UBE2U: variants seen among roughly 807,000 people sequenced by gnomAD.
UBE2U encodes the protein ubiquitin-conjugating enzyme E2 U.
A neutral mutation model predicts 41.2 loss-of-function variants in UBE2U; 39 were observed. That is an observed-to-expected ratio of 0.95 (90% CI 0.73 to 1.24). UBE2U has a LOEUF of 1.24. UBE2U is among the 50% of genes most tolerant of loss of function. UBE2U has a pLI of 0.00. For synonymous variants in UBE2U, 107 were observed against 117.8 expected (o/e 0.91, Z 0.60); for missense variants, 336 against 363.1 (o/e 0.93, Z 0.61).
intron 6 of UBE2U, among the ~76,000 whole-genome samples, chr1:64,225,725 G>C (rs1010239639): frequency 6.6e-6 from 1 of 152,228 alleles, no homozygotes; most frequent in Non-Finnish European, 1.5e-5. Flanking sequence ...GATTCGATGT[G>C]AGTTGTGAGA....
At chr1:64,256,383 T>C (rs1019452341) in intron 8 of UBE2U, among the ~76,000 whole-genome samples, 1 of 152,012 alleles carries the variant, frequency 6.6e-6, no homozygotes, top group East Asian at 1.9e-4. Flanking sequence ...GCAAGGTTAC[T>C]GTAACCAAAA....
intron 9 of UBE2U, 100 bp downstream of exon 9, chr1:64,260,794 A>G: frequency 2.3e-6 from 2 of 870,396 alleles, no homozygotes; most frequent in Non-Finnish European, 3.5e-6. Context: ...GTTGGAATAT[A>G]TGAGGGCTAA....
rs1570012361 is a variant in UBE2U at position 64,223,655 on chromosome 1, A to G, written c.506+2748A>G. Among the ~76,000 whole-genome samples the G allele has an allele frequency of 2.0e-5, 3 of 152,322 alleles. No homozygotes were observed. The South Asian group carries it at 6.2e-4, about 32-fold the overall frequency. ...TATTGTTGTAGTACATAAATATAAT[A>G]TAGTAAGTGCTATGACAGACGTAAG... On this transcript the variant is annotated intron_variant, in intron 6 of 9. Transcript: ENST00000371077.
intron 1 of UBE2U, among the ~76,000 whole-genome samples, chr1:64,205,352 A>G (rs1017842251): frequency 5.3e-5 from 8 of 152,182 alleles, no homozygotes; most frequent in Non-Finnish European, 8.8e-5. Flanking sequence ...ATTGATTTAC[A>G]CAAACAGTAT....
intron 8 of UBE2U, among the ~76,000 whole-genome samples, chr1:64,256,916 A>G (rs1301870266): frequency 6.6e-6 from 1 of 151,918 alleles, no homozygotes; most frequent in African/African-American, 2.4e-5. Context: ...TACAGGAAAA[A>G]AAAAACCATT....
intron 8 of UBE2U, among the ~76,000 whole-genome samples, chr1:64,255,282 C>A (rs1197161650): frequency 6.6e-6 from 1 of 151,802 alleles, no homozygotes; most frequent in Non-Finnish European, 1.5e-5. Flanking sequence ...TAATAGCCTA[C>A]CAACCAAAAA....
chr1:64,250,992 A>G (rs1190343515), intron 8 of UBE2U, among the ~76,000 whole-genome samples: 1 of 151,918 alleles, frequency 6.6e-6, no homozygotes, highest in Non-Finnish European at 1.5e-5. Flanking sequence ...GCAGCACACC[A>G]ACATGGCACA....
Position 64,208,603 on chromosome 1 carries a change from C to CA in UBE2U, c.241+1790dup, listed in dbSNP as rs56972795. 4.9e-4 allele frequency among the ~76,000 whole-genome samples: 18 copies of CA among 36,506 alleles called. 1 individual carries two copies. Among genetic ancestry groups the CA allele is most frequent in the Non-Finnish European group, 5.4e-4 (12 of 22,222 alleles). The allele number at this position is 36,506 out of a possible 152,430, so 23.9% of individuals were successfully genotyped here. Reference sequence around the variant, plus strand: ...TGGGCAACAGAACAAGACGCTGTCTCAAAAAAAAAAAAAAAAAAAAAAAAA... The same window carrying CA: ...TGGGCAACAGAACAAGACGCTGTCTCAAAAAAAAAAAAAAAAAAAAAAAAAA... On this transcript the variant is annotated intron_variant, in intron 3 of 9. Transcript: ENST00000371077.
chr1:64,213,288 A>G lies in UBE2U; in HGVS notation c.340-1527A>G, dbSNP rs190474017. Among the ~76,000 whole-genome samples the G allele has an allele frequency of 1.2e-3, 190 of 152,324 alleles. 2 individuals carry two copies. Among genetic ancestry groups the G allele is most frequent in the Admixed American group, 9.9e-3 (152 of 15,296 alleles). On this transcript the variant is annotated intron_variant, in intron 4 of 9. Transcript: ENST00000371077. ...ATTCATAGAGTTCTAAAGTTACCTT[A>G]GAAATGGTCAGTCTCCAGTTCCCCT...
At chr1:64,258,592 A>G (rs1645134086) in intron 8 of UBE2U, among the ~76,000 whole-genome samples, 1 of 150,484 alleles carries the variant, frequency 6.6e-6, no homozygotes. Flanking sequence ...TGTCCTTGTG[A>G]CAGTTTGCTC....
At chr1:64,244,208 A>G (rs10789152) in intron 8 of UBE2U, 376,526 of 1,583,492 alleles carry the variant, frequency 0.24, 45,995 homozygotes, top group Middle Eastern at 0.34. Context: ...GAAATTCTTA[A>G]CCACTCTGAA....
intron 6 of UBE2U, among the ~76,000 whole-genome samples, chr1:64,228,033 T>A (rs2100365608): frequency 6.6e-6 from 1 of 152,298 alleles, no homozygotes; most frequent in South Asian, 2.1e-4. Flanking sequence ...AATCAAAATC[T>A]TAGCAGTTGT....
intron 8 of UBE2U, among the ~76,000 whole-genome samples, chr1:64,255,828 A>G (rs942368912): frequency 2.0e-5 from 3 of 151,976 alleles, no homozygotes; most frequent in Non-Finnish European, 4.4e-5. Flanking sequence ...TTATCTTCAA[A>G]TTATCTTTGT....
At chr1:64,259,559 G>A (rs1240546875) in intron 8 of UBE2U, among the ~76,000 whole-genome samples, 1 of 151,942 alleles carries the variant, frequency 6.6e-6, no homozygotes, top group African/African-American at 2.4e-5. Context: ...AGTTTTCCCA[G>A]CACCATTTAT....
chr1:64,222,484 T>C (rs7553930), intron 6 of UBE2U, among the ~76,000 whole-genome samples: 25,538 of 152,166 alleles, frequency 0.17, 2,753 homozygotes, highest in Non-Finnish European at 0.24. Context: ...TAAATGATGC[T>C]AGAATCAGGT....
intron 7 of UBE2U, among the ~76,000 whole-genome samples, chr1:64,234,433 T>C (rs1408048727): frequency 1.3e-5 from 2 of 152,210 alleles, no homozygotes; most frequent in Non-Finnish European, 2.9e-5. Flanking sequence ...ATTGCCTTAA[T>C]TTGAAGTCTC....
At position 64,226,342 on chromosome 1, in the gene UBE2U, C is replaced by T. The variant is rs562012608; in HGVS notation, c.506+5435C>T. Among the ~76,000 whole-genome samples the T allele has an allele frequency of 2.4e-4, 36 of 152,184 alleles. 1 individual carries two copies. In the South Asian group the frequency reaches 3.3e-3, roughly 14 times the overall value. On this transcript the variant is annotated intron_variant, in intron 6 of 9. Coordinates refer to ENST00000371077, the MANE Select transcript of UBE2U (RefSeq NM_001366232.2). Reference sequence around the variant, plus strand: ...AACTAATCTGTCAGATTAATCCGATCGGTGATTGCCCAGAATGTCAAGGGA... The same window carrying T: ...AACTAATCTGTCAGATTAATCCGATTGGTGATTGCCCAGAATGTCAAGGGA...
chr1:64,239,138 GAAGAAGAAGAAGAAGA>G (rs1644759287), intron 7 of UBE2U, among the ~76,000 whole-genome samples: 3 of 29,810 alleles, frequency 1.0e-4, no homozygotes, highest in South Asian at 1.8e-3. Context: ...AGAAGAAGAA[GAAGAAGAAGAAGAAGA>G]AGAAAGAAGA....
intron 9 of UBE2U, among the ~76,000 whole-genome samples, chr1:64,266,309 C>T (rs1256073092): frequency 6.6e-6 from 1 of 152,172 alleles, no homozygotes; most frequent in Non-Finnish European, 1.5e-5. Context: ...CTTCAGCCTC[C>T]CTTCCAGCTC....
Sources: gnomAD v4.1 joint callset for allele counts (sites outside exome capture counted in the v4.1 genomes callset) on GRCh38, gnomAD v4.1.1 for gene constraint, MANE v1.5 for transcripts, NCBI Gene and HGNC (gene_info 2026-07-23, HGNC 2026-07-21) for gene names.